CALN1: variants seen among roughly 807,000 people sequenced by gnomAD.
The protein encoded by CALN1 is calcium-binding protein 8.
CALN1 carries 17 observed loss-of-function variants against 30.6 expected under a neutral mutation model. That is an observed-to-expected ratio of 0.56 (90% CI 0.38 to 0.83). CALN1 has a LOEUF of 0.83. Among genes scored for constraint, CALN1 ranks in the 40% least tolerant of loss-of-function variants. The probability of loss-of-function intolerance (pLI) is 0.00; values close to 1 mark genes in which losing one functional copy is unlikely to be tolerated. For missense variants in CALN1, 291 were observed against 354.9 expected (o/e 0.82, Z 1.45); for synonymous variants, 156 against 131.4 (o/e 1.19, Z -1.28).
At chr7:72,276,941 A>G (rs951346672) in intron 3 of CALN1, among the ~76,000 whole-genome samples, 1 of 152,256 alleles carries the variant, frequency 6.6e-6, no homozygotes, top group Non-Finnish European at 1.5e-5. Context: ...GGACACAGCA[A>G]GAAAAGTGAC....
intron 5 of CALN1, among the ~76,000 whole-genome samples, chr7:71,969,530 A>G (rs1269382776): frequency 6.6e-6 from 1 of 152,188 alleles, no homozygotes; most frequent in Non-Finnish European, 1.5e-5. Context: ...TTCAAGCCAT[A>G]AAAACATAAT....
chr7:72,163,776 T>A (rs1788314227), intron 3 of CALN1, among the ~76,000 whole-genome samples: 1 of 152,166 alleles, frequency 6.6e-6, no homozygotes, highest in South Asian at 2.1e-4. Flanking sequence ...TTGATGGAGA[T>A]TCAGTGACCT....
At chr7:71,867,295 A>G (rs1791643700) in intron 5 of CALN1, among the ~76,000 whole-genome samples, 1 of 152,184 alleles carries the variant, frequency 6.6e-6, no homozygotes, top group African/African-American at 2.4e-5. Flanking sequence ...CAGTCACAAT[A>G]ACATGTAAAC....
chr7:72,063,012 A>C (rs1334721345), intron 4 of CALN1, among the ~76,000 whole-genome samples: 2 of 152,208 alleles, frequency 1.3e-5, no homozygotes, highest in East Asian at 3.8e-4. Flanking sequence ...CCTGATACCA[A>C]AACCAAAGAC....
intron 2 of CALN1, among the ~76,000 whole-genome samples, chr7:72,285,908 T>TGC (rs1798051412): frequency 6.6e-6 from 1 of 152,142 alleles, no homozygotes; most frequent in Admixed American, 6.5e-5. Context: ...CAAGGGGCAA[T>TGC]ATTGATCTTG....
chr7:71,878,170 G>C (rs1713030124), intron 5 of CALN1, among the ~76,000 whole-genome samples: 1 of 152,130 alleles, frequency 6.6e-6, no homozygotes, highest in Admixed American at 6.6e-5. Flanking sequence ...CCTAGTATAA[G>C]TTAAGTATTT....
chr7:71,809,968 G>A (rs546997681), intron 6 of CALN1, among the ~76,000 whole-genome samples: 2 of 152,108 alleles, frequency 1.3e-5, no homozygotes, highest in South Asian at 4.2e-4. Context: ...GTCACACAAC[G>A]GACTCGACCC....
chr7:72,379,453 CAATT>C (rs1242340570), intron 2 of CALN1, among the ~76,000 whole-genome samples: 2 of 152,236 alleles, frequency 1.3e-5, no homozygotes, highest in African/African-American at 2.4e-5. Context: ...TGAATTATCT[CAATT>C]AATACAACAG....
At chr7:72,348,142 G>A (rs546509755) in intron 2 of CALN1, among the ~76,000 whole-genome samples, 104 of 152,122 alleles carry the variant, frequency 6.8e-4, no homozygotes, top group Middle Eastern at 3.4e-3. Flanking sequence ...AGAAACTAAC[G>A]GCAAAAACCT....
intron 4 of CALN1, among the ~76,000 whole-genome samples, chr7:72,059,192 T>C (rs941777087): frequency 6.6e-5 from 10 of 152,216 alleles, no homozygotes; most frequent in Admixed American, 1.3e-4. Context: ...ATTCCATCTA[T>C]GGTCTTCAAA....
At chr7:71,967,033 T>C (rs1031118502) in intron 5 of CALN1, among the ~76,000 whole-genome samples, 4 of 152,196 alleles carry the variant, frequency 2.6e-5, no homozygotes, top group African/African-American at 4.8e-5. Flanking sequence ...TTGAGAACTG[T>C]TTAGGAAACA....
intron 5 of CALN1, among the ~76,000 whole-genome samples, chr7:72,011,568 T>C (rs1022437765): frequency 6.6e-6 from 1 of 152,212 alleles, no homozygotes; most frequent in Admixed American, 6.5e-5. Context: ...GAGGTCCCCA[T>C]CAGCTTCCAT....
intron 3 of CALN1, among the ~76,000 whole-genome samples, chr7:72,274,795 T>C (rs1270190286): frequency 1.3e-5 from 2 of 152,158 alleles, no homozygotes; most frequent in African/African-American, 4.8e-5. Flanking sequence ...AATGGATGAA[T>C]GAATGAATGA....
At chr7:72,107,283 G>C (rs888885705) in intron 3 of CALN1, among the ~76,000 whole-genome samples, 3 of 152,228 alleles carry the variant, frequency 2.0e-5, no homozygotes, top group Non-Finnish European at 4.4e-5. Flanking sequence ...TGTAGGAGCT[G>C]TGCAGAAAGC....
intron 5 of CALN1, among the ~76,000 whole-genome samples, chr7:71,929,847 A>G (rs1319240039): frequency 1.3e-5 from 2 of 152,210 alleles, no homozygotes; most frequent in African/African-American, 2.4e-5. Flanking sequence ...TTGCATTCAC[A>G]GCAGCAATGG....
At chr7:72,380,927 C>T (rs1159620594) in intron 2 of CALN1, among the ~76,000 whole-genome samples, 2 of 152,054 alleles carry the variant, frequency 1.3e-5, no homozygotes, top group African/African-American at 4.8e-5. Context: ...CTTTGTGAGA[C>T]TGGGGCAGAT....
intron 5 of CALN1, among the ~76,000 whole-genome samples, chr7:71,932,815 CAA>C (rs5884864): frequency 1.7e-4 from 14 of 82,650 alleles, no homozygotes; most frequent in Admixed American, 2.5e-4. Flanking sequence ...TACTCCATCT[CAA>C]AAAAAAAAAA....
chr7:72,099,028 G>A (rs1309939047), intron 4 of CALN1, among the ~76,000 whole-genome samples: 1 of 152,186 alleles, frequency 6.6e-6, no homozygotes, highest in Non-Finnish European at 1.5e-5. Context: ...AACTTGAGTT[G>A]CACAGACAAA....
At chr7:72,335,879 G>C (rs899726494) in intron 2 of CALN1, among the ~76,000 whole-genome samples, 4 of 152,216 alleles carry the variant, frequency 2.6e-5, no homozygotes, top group Non-Finnish European at 5.9e-5. Context: ...TCGCCCCAAG[G>C]GTGGCCCAGA....
Sources: gnomAD v4.1 joint callset for allele counts (sites outside exome capture counted in the v4.1 genomes callset) on GRCh38, gnomAD v4.1.1 for gene constraint, MANE v1.5 for transcripts, NCBI Gene and HGNC (gene_info 2026-07-23, HGNC 2026-07-21) for gene names.